Variants in LRRC4C observed in about 807,000 individuals in gnomAD.
The protein encoded by LRRC4C is leucine rich repeat containing 4C.
A neutral mutation model predicts 33.6 loss-of-function variants in LRRC4C; 5 were observed. That is an observed-to-expected ratio of 0.15 (90% CI 0.08 to 0.31). The LOEUF (loss-of-function observed/expected upper bound fraction) is 0.31. LRRC4C is among the 10% of genes least tolerant of loss of function. The pLI is 1.00. For missense variants in LRRC4C, 560 were observed against 796.7 expected (o/e 0.70, Z 3.58); for synonymous variants, 329 against 302.0 (o/e 1.09, Z -0.93).
chr11:40,279,522 A>C (rs893717848), intron 4 of LRRC4C, among the ~76,000 whole-genome samples: 1 of 152,206 alleles, frequency 6.6e-6, no homozygotes, highest in African/African-American at 2.4e-5. Context: ...ATATTGTTGT[A>C]AGAAAATCTC....
rs1250745925 is a variant in LRRC4C at position 40,610,119 on chromosome 11, G to GA, written c.-270+38022dup. 2.0e-5 allele frequency among the ~76,000 whole-genome samples: 3 copies of GA among 151,776 alleles called. No homozygotes were observed. The East Asian group carries it at 5.8e-4, about 29-fold the overall frequency. On this transcript the variant is annotated intron_variant, in intron 3 of 6. Coordinates refer to ENST00000528697, the MANE Select transcript of LRRC4C (RefSeq NM_001258419.2). Reference sequence around the variant, plus strand: ...CCAAACATCCCTGATGAATCTATGAGAAAAAATCCCCCCAAAATACTAGCA... The same window carrying GA: ...CCAAACATCCCTGATGAATCTATGAGAAAAAAATCCCCCCAAAATACTAGCA...
At chr11:40,199,211 C>G (rs1057493077) in intron 5 of LRRC4C, among the ~76,000 whole-genome samples, 4 of 152,286 alleles carry the variant, frequency 2.6e-5, no homozygotes, top group Non-Finnish European at 4.4e-5. Context: ...GCTGGGATTA[C>G]AGGTGCCCAC....
chr11:41,443,089 A>ATTTTTTTTTTTTTTT, intron 1 of LRRC4C, among the ~76,000 whole-genome samples: 5 of 105,992 alleles, frequency 4.7e-5, no homozygotes, highest in Non-Finnish European at 5.3e-5. Context: ...TGTTTGCTTC[A>ATTTTTTTTTTTTTTT]TTTTTTTTTT....
At chr11:40,913,196 C>T (rs1956779097) in intron 2 of LRRC4C, among the ~76,000 whole-genome samples, 2 of 152,124 alleles carry the variant, frequency 1.3e-5, no homozygotes, top group Admixed American at 1.3e-4. Flanking sequence ...ACCAAGTGGA[C>T]CTAGTAGACA....
rs1961089648 is a variant in LRRC4C, at chr11:40,610,413, A to G, written c.-270+37729T>C. On this transcript the variant is annotated intron_variant, in intron 3 of 6. Transcript: ENST00000528697. ...ATGAAAAGCCCACAGCTAACCTCAT[A>G]CTCAATAGTATGAGGTGAAAGAAGG... Among the ~76,000 whole-genome samples, 3 of 151,874 alleles carry G rather than the reference A, an allele frequency of 2.0e-5. No homozygotes were observed. In the South Asian group the frequency reaches 6.2e-4, roughly 31 times the overall value.
chr11:40,618,583 C>G (rs972675788), intron 3 of LRRC4C, among the ~76,000 whole-genome samples: 1 of 151,770 alleles, frequency 6.6e-6, no homozygotes, highest in African/African-American at 2.4e-5. Context: ...TACCCTAGCC[C>G]CATTACCTAA....
At chr11:40,214,681 A>G (rs1000033720) in intron 5 of LRRC4C, among the ~76,000 whole-genome samples, 1 of 152,210 alleles carries the variant, frequency 6.6e-6, no homozygotes, top group African/African-American at 2.4e-5. Flanking sequence ...TCAGTAAGAC[A>G]GCCCTCACCA....
intron 2 of LRRC4C, among the ~76,000 whole-genome samples, chr11:40,840,017 G>C (rs1318393305): frequency 6.6e-6 from 1 of 151,892 alleles, no homozygotes; most frequent in Non-Finnish European, 1.5e-5. Context: ...TTCAGAAAAT[G>C]GAAATATTAT....
chr11:41,344,576 G>A (rs1056315888), intron 1 of LRRC4C, among the ~76,000 whole-genome samples: 4 of 122,616 alleles, frequency 3.3e-5, no homozygotes, highest in Non-Finnish European at 7.7e-5. Context: ...TTTTTATAGT[G>A]CCTGTGGTTG....
intron 2 of LRRC4C, among the ~76,000 whole-genome samples, chr11:40,709,380 G>A (rs533624451): frequency 4.6e-5 from 7 of 152,252 alleles, no homozygotes; most frequent in Non-Finnish European, 1.0e-4. Context: ...TCCTTCAGGA[G>A]CTCTTGTAAG....
chr11:40,114,863 C>A lies in LRRC4C; in HGVS notation c.1430G>T (p.Gly477Val), dbSNP rs766957169. Residue 477 changes from glycine (G) to valine (V), a missense_variant, in exon 7 of 7, where the codon GGT becomes GTT. Gly to Val is a moderately radical substitution (Grantham distance 109). This residue lies in a region of LRRC4C where 455 missense variants were observed against 643.8 expected (regional missense o/e 0.71). Coordinates refer to ENST00000528697, the MANE Select transcript of LRRC4C (RefSeq NM_001258419.2). The stretch of plus-strand genomic sequence containing the variant: ...CTCCCAGTCGACCACTGGAGTGGGA[C>A]CCACATTGTTATCTGTGGTCCGTGC... Reference protein sequence around the residue: ...DEARTTDNNVGPTPVVDWETT... With the variant: ...DEARTTDNNVVPTPVVDWETT... The A allele has an allele frequency of 3.1e-6, 5 of 1,614,006 alleles. No homozygotes were observed. The highest frequency in any genetic ancestry group is 1.3e-5 in the African/African-American group (1 of 74,894).
chr11:40,507,732 GATTTA>G (rs1321862867), intron 3 of LRRC4C, among the ~76,000 whole-genome samples: 31 of 141,884 alleles, frequency 2.2e-4, no homozygotes, highest in African/African-American at 7.8e-4. Flanking sequence ...TAAGGCACTA[GATTTA>G]ATTTTTTTTT....
chr11:40,202,272 C>T (rs181363834), intron 5 of LRRC4C, among the ~76,000 whole-genome samples: 1 of 146,312 alleles, frequency 6.8e-6, no homozygotes, highest in East Asian at 2.0e-4. Flanking sequence ...CAGAGGGAGG[C>T]TGTCCAAAGT....
intron 3 of LRRC4C, among the ~76,000 whole-genome samples, chr11:40,343,973 A>G (rs1947000710): frequency 1.3e-5 from 2 of 152,070 alleles, no homozygotes; most frequent in Admixed American, 1.3e-4. Flanking sequence ...CCCTGAGAAG[A>G]CCAATAATAA....
chr11:41,246,951 T>C (rs1948474380), intron 1 of LRRC4C, among the ~76,000 whole-genome samples: 1 of 152,196 alleles, frequency 6.6e-6, no homozygotes, highest in Non-Finnish European at 1.5e-5. Flanking sequence ...AAAAAGTAAA[T>C]TCATCTCTGA....
At chr11:40,260,983 T>A (rs183866170) in intron 4 of LRRC4C, among the ~76,000 whole-genome samples, 1 of 152,286 alleles carries the variant, frequency 6.6e-6, no homozygotes, top group African/African-American at 2.4e-5. Context: ...TGGGCTCAAG[T>A]AATATTCCTG....
At chr11:40,253,420 G>GT (rs1450601550) in intron 4 of LRRC4C, among the ~76,000 whole-genome samples, 1 of 152,166 alleles carries the variant, frequency 6.6e-6, no homozygotes, top group Non-Finnish European at 1.5e-5. Context: ...GACAGATCTT[G>GT]TTTTGAATGC....
At chr11:40,518,981 A>T (rs1440883658) in intron 3 of LRRC4C, among the ~76,000 whole-genome samples, 3 of 152,190 alleles carry the variant, frequency 2.0e-5, no homozygotes, top group African/African-American at 7.2e-5. Flanking sequence ...AAAGCAAACT[A>T]ATACAAGAAC....
intron 1 of LRRC4C, among the ~76,000 whole-genome samples, chr11:41,281,064 C>G (rs1233816156): frequency 4.4e-5 from 6 of 136,028 alleles, no homozygotes; most frequent in African/African-American, 1.7e-4. Context: ...CTCTCTCTCT[C>G]TCTCTCTCTC....
Sources: allele counts gnomAD v4.1 joint callset (sites outside exome capture counted in the v4.1 genomes callset), GRCh38; gene constraint gnomAD v4.1.1; regional missense constraint gnomAD v4.1.1; transcripts MANE v1.5; gene names NCBI Gene and HGNC (gene_info 2026-07-23, HGNC 2026-07-21).